Variants in GSE1 observed in about 807,000 individuals in gnomAD.
The protein encoded by GSE1 is Gse1 coiled-coil protein, also known as genetic suppressor element 1.
Under a neutral mutation model 112.6 loss-of-function variants are expected in GSE1, and 32 were observed. The observed-to-expected ratio is 0.28, with a 90% confidence interval of 0.21 to 0.38. The LOEUF (loss-of-function observed/expected upper bound fraction) is 0.38, where lower values mean the gene tolerates loss of function less well. Ranked by LOEUF, GSE1 falls within the 10% of genes least tolerant of loss-of-function variation. The pLI, the probability that GSE1 is intolerant of heterozygous loss-of-function variation, is 1.00. For synonymous variants in GSE1, 1,115 were observed against 735.6 expected (o/e 1.52, Z -8.35); for missense variants, 2,348 against 1,699.2 (o/e 1.38, Z -6.71).
chr16:85,380,749 G>A (rs76563408), intron 2 of GSE1, among the ~76,000 whole-genome samples: 9,027 of 152,160 alleles, frequency 0.059, 356 homozygotes, highest in Non-Finnish European at 0.082. Flanking sequence ...GCATCAAGCC[G>A]CAATCCATCA....
intron 2 of GSE1, among the ~76,000 whole-genome samples, chr16:85,510,845 C>T (rs1199563811): frequency 5.1e-5 from 7 of 137,004 alleles, no homozygotes; most frequent in Non-Finnish European, 7.9e-5. Context: ...CTGCACCTGC[C>T]GTTCCCTTTC....
chr16:85,634,703 G>A (rs1288655268), intron 2 of GSE1, among the ~76,000 whole-genome samples: 1 of 152,208 alleles, frequency 6.6e-6, no homozygotes, highest in African/African-American at 2.4e-5. Context: ...TATCACCTGG[G>A]CAGGACCTGC....
chr16:85,196,392 A>T (rs935594411), intron 1 of GSE1, among the ~76,000 whole-genome samples: 1 of 151,974 alleles, frequency 6.6e-6, no homozygotes, highest in African/African-American at 2.4e-5. Flanking sequence ...CCCCTGGGGG[A>T]TGGGAGAGGA....
chr16:85,485,286 G>A (rs1284760340), intron 2 of GSE1, among the ~76,000 whole-genome samples: 1 of 152,224 alleles, frequency 6.6e-6, no homozygotes, highest in Admixed American at 6.5e-5. Flanking sequence ...CCAGAGAATG[G>A]CGTTGGTCCG....
intron 2 of GSE1, among the ~76,000 whole-genome samples, chr16:85,519,394 C>G (rs2052071960): frequency 1.5e-5 from 1 of 67,782 alleles, no homozygotes; most frequent in Admixed American, 1.4e-4. Flanking sequence ...ACCTTCACCA[C>G]CATCATCACT....
At chr16:85,418,451 T>A (rs2048752667) in intron 2 of GSE1, among the ~76,000 whole-genome samples, 1 of 152,198 alleles carries the variant, frequency 6.6e-6, no homozygotes, top group African/African-American at 2.4e-5. Context: ...TTCTCCTGGC[T>A]GCCCATCCAG....
chr16:85,368,185 C>T (rs1459405462), intron 2 of GSE1, among the ~76,000 whole-genome samples: 2 of 152,136 alleles, frequency 1.3e-5, no homozygotes, highest in Non-Finnish European at 2.9e-5. Context: ...CGCGTCTTCC[C>T]GAGTTTCCTG....
At chr16:85,331,430 T>TATGC (rs1491269086) in intron 1 of GSE1, among the ~76,000 whole-genome samples, 3 of 140,316 alleles carry the variant, frequency 2.1e-5, no homozygotes, top group Non-Finnish European at 3.1e-5. Context: ...TATGTATATA[T>TATGC]GTATATATAT....
At chr16:85,418,414 C>G (rs1170675426) in intron 2 of GSE1, among the ~76,000 whole-genome samples, 3 of 152,222 alleles carry the variant, frequency 2.0e-5, no homozygotes, top group East Asian at 3.9e-4. Context: ...CTTGTCTCGT[C>G]TACTGCTCTT....
intron 1 of GSE1, chr16:85,595,865 C>T (rs2047203218): frequency 7.1e-6 from 1 of 140,994 alleles, no homozygotes; most frequent in Non-Finnish European, 1.5e-5. Flanking sequence ...TCCACCCACC[C>T]ACTTTTCTAT....
At chr16:85,514,433 CCCCA>C (rs202118227) in intron 2 of GSE1, among the ~76,000 whole-genome samples, 2,382 of 109,320 alleles carry the variant, frequency 0.022, 194 homozygotes, top group African/African-American at 0.07. Context: ...GAGTCCCCCC[CCCCA>C]CCCCAGGGCA....
At chr16:85,659,216 G>A (rs1461392311) in intron 8 of GSE1, among the ~76,000 whole-genome samples, 2 of 152,178 alleles carry the variant, frequency 1.3e-5, no homozygotes, top group Non-Finnish European at 2.9e-5. Context: ...TGGTGGCTGT[G>A]TTTAAACAGG....
chr16:85,335,766 C>A (rs60431659), intron 1 of GSE1, among the ~76,000 whole-genome samples: 1 of 152,162 alleles, frequency 6.6e-6, no homozygotes, highest in Non-Finnish European at 1.5e-5. Flanking sequence ...ATGTCCATTT[C>A]GGAGTTGGGA....
At chr16:85,382,667 A>G (rs1370828513) in intron 2 of GSE1, among the ~76,000 whole-genome samples, 2 of 152,134 alleles carry the variant, frequency 1.3e-5, no homozygotes, top group African/African-American at 4.8e-5. Context: ...AGCACTGCCA[A>G]ATAACAGCAG....
At chr16:85,246,303 C>T (rs1198568181) in intron 1 of GSE1, among the ~76,000 whole-genome samples, 9 of 98,928 alleles carry the variant, frequency 9.1e-5, no homozygotes, top group South Asian at 4.5e-4. Flanking sequence ...ACACCCCACA[C>T]GCTGTCTACA....
intron 2 of GSE1, among the ~76,000 whole-genome samples, chr16:85,427,499 G>A (rs12597809): frequency 0.094 from 14,331 of 152,142 alleles, 1,022 homozygotes; most frequent in East Asian, 0.42. Flanking sequence ...AAAATCAGCC[G>A]GGCATGGTGG....
intron 1 of GSE1, among the ~76,000 whole-genome samples, chr16:85,256,522 G>A (rs114714563): frequency 0.011 from 1,634 of 152,302 alleles, 23 homozygotes; most frequent in African/African-American, 0.038. Context: ...GGTCAGGGCC[G>A]CCCAGGCACG....
At chr16:85,171,424 C>T (rs2074357264) in exon 1 of GSE1, 31 of 985,490 alleles carry the variant, frequency 3.1e-5, no homozygotes, top group East Asian at 1.1e-4. Flanking sequence ...GCCTGCCCCT[C>T]GTGCCAGGCC....
chr16:85,426,325 A>T (rs550353904), intron 2 of GSE1, among the ~76,000 whole-genome samples: 80 of 112,664 alleles, frequency 7.1e-4, no homozygotes, highest in African/African-American at 2.7e-3. Context: ...GTGGGTGGGT[A>T]GATGTATATA....
Sources: gnomAD v4.1 joint callset for allele counts (sites outside exome capture counted in the v4.1 genomes callset) on GRCh38, gnomAD v4.1.1 for gene constraint, MANE v1.5 for transcripts, NCBI Gene and HGNC (gene_info 2026-07-23, HGNC 2026-07-21) for gene names.